NCAM2: variants seen among roughly 807,000 people sequenced by gnomAD.
NCAM2 encodes N-CAM-2.
In NCAM2, 30 loss-of-function variants were observed where a neutral mutation model predicts 98.1. That is an observed-to-expected ratio of 0.31 (90% CI 0.23 to 0.41). The LOEUF (loss-of-function observed/expected upper bound fraction) is 0.41, where lower values mean the gene tolerates loss of function less well. Among genes scored for constraint, NCAM2 ranks in the 10% least tolerant of loss-of-function variants. The pLI, the probability that NCAM2 is intolerant of heterozygous loss-of-function variation, is 1.00. For missense variants in NCAM2, 867 were observed against 1,005.8 expected, an observed-to-expected ratio of 0.86 and a Z score of 1.87; for synonymous variants, 368 against 342.4, an observed-to-expected ratio of 1.07 and a Z score of -0.83.
intron 5 of NCAM2, among the ~76,000 whole-genome samples, chr21:21,304,107 TTGA>T (rs1221829299): frequency 6.6e-6 from 1 of 152,152 alleles, no homozygotes; most frequent in African/African-American, 2.4e-5. Flanking sequence ...GTGAAAGATG[TTGA>T]TGAGGTTTAA....
intron 11 of NCAM2, among the ~76,000 whole-genome samples, chr21:21,420,517 G>A (rs933788390): frequency 6.6e-6 from 1 of 151,878 alleles, no homozygotes; most frequent in African/African-American, 2.4e-5. Flanking sequence ...AAAAGCATCT[G>A]TAAAGAAATT....
chr21:21,380,609 T>C (rs1022460986), intron 9 of NCAM2, among the ~76,000 whole-genome samples: 10 of 152,132 alleles, frequency 6.6e-5, no homozygotes, highest in African/African-American at 2.4e-4. Context: ...CCTTGCCTCA[T>C]GGATTCCTTC....
intron 1 of NCAM2, among the ~76,000 whole-genome samples, chr21:21,044,773 C>A (rs1896730904): frequency 6.7e-6 from 1 of 150,030 alleles, no homozygotes; most frequent in Non-Finnish European, 1.5e-5. Flanking sequence ...TGAGACCAGC[C>A]TGGGCAACAC....
intron 1 of NCAM2, among the ~76,000 whole-genome samples, chr21:21,215,954 C>T (rs1047788595): frequency 4.6e-5 from 7 of 152,014 alleles, no homozygotes; most frequent in Admixed American, 2.6e-4. Context: ...GAGCTGAATT[C>T]GAATGCTGAT....
intron 16 of NCAM2, among the ~76,000 whole-genome samples, chr21:21,511,160 G>A (rs923033236): frequency 2.0e-5 from 3 of 151,942 alleles, no homozygotes; most frequent in Non-Finnish European, 2.9e-5. Context: ...GTAAATATCT[G>A]ATACATTATT....
At chr21:21,437,368 G>A (rs1377442478) in intron 12 of NCAM2, among the ~76,000 whole-genome samples, 1 of 151,818 alleles carries the variant, frequency 6.6e-6, no homozygotes, top group Non-Finnish European at 1.5e-5. Context: ...TTGTATTGAC[G>A]AATATCAGCC....
intron 12 of NCAM2, among the ~76,000 whole-genome samples, chr21:21,442,397 A>T (rs1284296245): frequency 2.0e-5 from 3 of 152,186 alleles, no homozygotes. Flanking sequence ...CGAAATAAAG[A>T]AACTGAAGCT....
At chr21:21,111,988 A>C (rs2066463760) in intron 1 of NCAM2, among the ~76,000 whole-genome samples, 1 of 152,208 alleles carries the variant, frequency 6.6e-6, no homozygotes, top group Admixed American at 6.5e-5. Flanking sequence ...TTAAAGAATC[A>C]CATAATTATT....
intron 15 of NCAM2, among the ~76,000 whole-genome samples, chr21:21,491,644 A>G (rs1254049570): frequency 6.6e-6 from 1 of 151,748 alleles, no homozygotes; most frequent in African/African-American, 2.4e-5. Context: ...TGCCTGATAA[A>G]TATGAAATGA....
intron 1 of NCAM2, among the ~76,000 whole-genome samples, chr21:21,079,134 G>T (rs1372101362): frequency 2.0e-5 from 3 of 152,076 alleles, no homozygotes; most frequent in Admixed American, 6.6e-5. Context: ...AAAACACCAT[G>T]GCACAGGTAT....
chr21:21,324,288 G>T, intron 5 of NCAM2, 95 bp from the exon 6 acceptor site: 1 of 794,478 alleles, frequency 1.3e-6, no homozygotes, highest in South Asian at 2.0e-5. Context: ...TGTGAAGGAT[G>T]ACATTTGAAA....
intron 1 of NCAM2, among the ~76,000 whole-genome samples, chr21:21,074,519 C>T (rs557880294): frequency 6.6e-6 from 1 of 152,224 alleles, no homozygotes; most frequent in East Asian, 1.9e-4. Flanking sequence ...CTTTCAAATT[C>T]AGGATCAGGT....
chr21:21,181,084 A>G (rs1203349842), intron 1 of NCAM2, among the ~76,000 whole-genome samples: 7 of 152,118 alleles, frequency 4.6e-5, no homozygotes, highest in Non-Finnish European at 1.0e-4. Context: ...CAAACTATAC[A>G]TTTGCACATT....
intron 16 of NCAM2, among the ~76,000 whole-genome samples, chr21:21,533,161 GCTTGCT>G (rs1276679665): frequency 2.3e-5 from 1 of 42,960 alleles, no homozygotes; most frequent in African/African-American, 1.0e-4. Flanking sequence ...TTTGTTGTTT[GCTTGCT>G]TTTTTTTTTT....
chr21:21,287,985 T>G (rs2073160761), intron 4 of NCAM2, among the ~76,000 whole-genome samples: 1 of 151,820 alleles, frequency 6.6e-6, no homozygotes, highest in African/African-American at 2.4e-5. Context: ...CATCTATGGG[T>G]GATTTGTTCC....
intron 8 of NCAM2, among the ~76,000 whole-genome samples, chr21:21,362,270 T>C (rs201713601): frequency 1.3e-5 from 2 of 152,322 alleles, no homozygotes; most frequent in East Asian, 3.9e-4. Context: ...ATAATATAAA[T>C]GTTCTGTTCA....
chr21:21,514,744 T>C (rs1343082774), intron 16 of NCAM2, among the ~76,000 whole-genome samples: 1 of 152,152 alleles, frequency 6.6e-6, no homozygotes, highest in Non-Finnish European at 1.5e-5. Flanking sequence ...TTTTAGTAAT[T>C]GAAAATGTCA....
intron 1 of NCAM2, among the ~76,000 whole-genome samples, chr21:21,192,329 CTG>C (rs2068850771): frequency 6.6e-6 from 1 of 152,090 alleles, no homozygotes; most frequent in Admixed American, 6.6e-5. Context: ...AGAATCATGA[CTG>C]TGCTCTAAAG....
intron 1 of NCAM2, among the ~76,000 whole-genome samples, chr21:21,156,557 A>T (rs1453529415): frequency 6.6e-6 from 1 of 150,676 alleles, no homozygotes; most frequent in East Asian, 1.9e-4. Context: ...TTACTATGGA[A>T]GTCAAGTGTA....
Sources: allele counts gnomAD v4.1 joint callset (sites outside exome capture counted in the v4.1 genomes callset), GRCh38; gene constraint gnomAD v4.1.1; transcripts MANE v1.5; gene names NCBI Gene and HGNC (gene_info 2026-07-23, HGNC 2026-07-21).